Variants in LHFPL3 observed in about 807,000 individuals in gnomAD.
The protein encoded by LHFPL3 is LHFPL tetraspan subfamily member 3 protein.
Under a neutral mutation model 19.3 loss-of-function variants are expected in LHFPL3, and 5 were observed. That is an observed-to-expected ratio of 0.26 (90% CI 0.14 to 0.54). The LOEUF is 0.54. LHFPL3 is among the 20% of genes least tolerant of loss of function. The pLI is 0.94. For synonymous variants in LHFPL3, 133 were observed against 126.2 expected (o/e 1.05, Z -0.36); for missense variants, 249 against 307.4 (o/e 0.81, Z 1.42).
At chr7:104,617,425 T>A (rs1326187054) in intron 1 of LHFPL3, among the ~76,000 whole-genome samples, 2 of 152,228 alleles carry the variant, frequency 1.3e-5, no homozygotes, top group Admixed American at 6.5e-5. Context: ...GGTGTACTCT[T>A]TTGTATATTT....
intron 1 of LHFPL3, among the ~76,000 whole-genome samples, chr7:104,689,782 T>G (rs1792875209): frequency 6.6e-6 from 1 of 152,164 alleles, no homozygotes; most frequent in Non-Finnish European, 1.5e-5. Flanking sequence ...CAGTAGAGGC[T>G]TATGGAGGTC....
chr7:104,429,382 A>G (rs1562894642), intron 1 of LHFPL3, among the ~76,000 whole-genome samples: 1 of 135,114 alleles, frequency 7.4e-6, no homozygotes, highest in Non-Finnish European at 1.5e-5. Context: ...ATCTTGGCTC[A>G]CTGCAACCTC....
chr7:104,680,932 C>T (rs1792682809), intron 1 of LHFPL3, among the ~76,000 whole-genome samples: 1 of 152,122 alleles, frequency 6.6e-6, no homozygotes, highest in South Asian at 2.1e-4. Context: ...AACCGAGCTA[C>T]TGATTACAGA....
intron 1 of LHFPL3, among the ~76,000 whole-genome samples, chr7:104,608,471 G>A (rs1192635940): frequency 8.1e-6 from 1 of 123,782 alleles, no homozygotes; most frequent in Non-Finnish European, 1.6e-5. Context: ...ACAGGAAGGG[G>A]AACATCACAC....
chr7:104,518,842 G>A (rs41062), intron 1 of LHFPL3, among the ~76,000 whole-genome samples: 3,288 of 148,094 alleles, frequency 0.022, 133 homozygotes, highest in African/African-American at 0.08. Context: ...TAGATAGATA[G>A]ATAGAATAAA....
chr7:104,663,813 A>G (rs983080218), intron 1 of LHFPL3, among the ~76,000 whole-genome samples: 4 of 152,152 alleles, frequency 2.6e-5, no homozygotes, highest in Admixed American at 2.6e-4. Flanking sequence ...AATCCATGTA[A>G]ATGAGAGGTC....
At position 104,868,488 on chromosome 7, in the gene LHFPL3, A is replaced by G. The variant is rs531975252; in HGVS notation, c.683-37699A>G. Reference sequence around the variant, plus strand: ...CTCCCATTCACAATTGCTTCAAAAAAAATAAAATACCTAGGAATCCAACTT... The same window carrying G: ...CTCCCATTCACAATTGCTTCAAAAAGAATAAAATACCTAGGAATCCAACTT... On this transcript the variant is annotated intron_variant, in intron 2 of 2. Transcript: ENST00000424859. Among the ~76,000 whole-genome samples the G allele has an allele frequency of 5.0e-3, 757 of 152,200 alleles. 5 individuals carry two copies. Among genetic ancestry groups the G allele is most frequent in the African/African-American group, 0.017 (724 of 41,516 alleles).
At chr7:104,564,572 G>A (rs1430132097) in intron 1 of LHFPL3, among the ~76,000 whole-genome samples, 1 of 152,170 alleles carries the variant, frequency 6.6e-6, no homozygotes, top group Non-Finnish European at 1.5e-5. Context: ...GTTTTTACAT[G>A]AGAAAGAAAG....
intron 1 of LHFPL3, among the ~76,000 whole-genome samples, chr7:104,524,214 G>A (rs1014188072): frequency 1.2e-4 from 18 of 152,240 alleles, no homozygotes; most frequent in African/African-American, 3.1e-4. Context: ...AGGCCAAGAC[G>A]CAGGATTGAT....
At chr7:104,430,434 A>ATACATGTATATATATATATATATACACG in intron 1 of LHFPL3, among the ~76,000 whole-genome samples, 1 of 14,334 alleles carries the variant, frequency 7.0e-5, no homozygotes, top group Admixed American at 7.9e-4. Context: ...ATATATATAT[A>ATACATGTATATATATATATATATACACG]TATATATATA....
At chr7:104,577,452 A>C (rs1790359815) in intron 1 of LHFPL3, among the ~76,000 whole-genome samples, 1 of 152,142 alleles carries the variant, frequency 6.6e-6, no homozygotes, top group South Asian at 2.1e-4. Flanking sequence ...GTTAGTGTAA[A>C]TATATATACA....
intron 2 of LHFPL3, among the ~76,000 whole-genome samples, chr7:104,876,349 C>G (rs1237807078): frequency 6.6e-6 from 1 of 152,148 alleles, no homozygotes; most frequent in African/African-American, 2.4e-5. Context: ...AGGCAACCTA[C>G]AGAATGGGAG....
intron 1 of LHFPL3, among the ~76,000 whole-genome samples, chr7:104,616,503 A>G (rs1207777357): frequency 6.6e-6 from 1 of 152,198 alleles, no homozygotes; most frequent in African/African-American, 2.4e-5. Context: ...TGGATTAAAG[A>G]CTTAAATGTA....
At chr7:104,808,039 T>A (rs1790398189) in intron 2 of LHFPL3, among the ~76,000 whole-genome samples, 1 of 152,002 alleles carries the variant, frequency 6.6e-6, no homozygotes, top group Admixed American at 6.6e-5. Flanking sequence ...GAGGGAGAGG[T>A]GGCATGATAC....
intron 1 of LHFPL3, among the ~76,000 whole-genome samples, chr7:104,588,116 T>C (rs1790622840): frequency 6.6e-6 from 1 of 152,210 alleles, no homozygotes; most frequent in Admixed American, 6.5e-5. Flanking sequence ...AGCTCTTTAG[T>C]TTAATTAGAT....
At position 104,587,805 on chromosome 7, in the gene LHFPL3, C is replaced by T. The variant is rs200688669; in HGVS notation, c.446-148870C>T. On this transcript the variant is annotated intron_variant, in intron 1 of 2. Transcript: ENST00000424859. ...TGTTGTTTCCTGACTTTTTAATGAT[C>T]GCCATTCTAACTGGTGTGAGATGGT... 4.3e-3 allele frequency among the ~76,000 whole-genome samples: 659 copies of T among 151,966 alleles called. 34 individuals carry two copies. The East Asian group carries it at 0.099, about 23-fold the overall frequency.
rs149374890 is a variant in LHFPL3 at position 104,777,039 on chromosome 7, C to G, written c.682+40128C>G. 4.2e-3 allele frequency among the ~76,000 whole-genome samples: 647 copies of G among 152,254 alleles called. 3 individuals carry two copies. The highest frequency in any genetic ancestry group is 0.015 in the African/African-American group (629 of 41,548). The stretch of plus-strand genomic sequence containing the variant: ...CTGGAGGGCACAGTCCTATCTGGCT[C>G]TAAGTAAGTGTCATGACCTCTGGGA... On this transcript the variant is annotated intron_variant, in intron 2 of 2. Coordinates refer to ENST00000424859, the MANE Select transcript of LHFPL3 (RefSeq NM_199000.3).
Position 104,879,326 on chromosome 7 carries a change from G to T in LHFPL3, c.683-26861G>T, listed in dbSNP as rs926478146. Among the ~76,000 whole-genome samples the T allele has an allele frequency of 3.9e-5, 6 of 152,266 alleles. 1 individual carries two copies. The highest frequency in any genetic ancestry group is 1.4e-4 in the African/African-American group (6 of 41,550). ...AGCTCCTTGGGAGGCTAAGGTGGGA[G>T]GATTGCTTGAGCCTGGGAGGCAAGG... On this transcript the variant is annotated intron_variant, in intron 2 of 2. Transcript: ENST00000424859.
chr7:104,555,354 G>A (rs911505635), intron 1 of LHFPL3, among the ~76,000 whole-genome samples: 1 of 152,172 alleles, frequency 6.6e-6, no homozygotes, highest in East Asian at 1.9e-4. Context: ...AGACTGGGAA[G>A]AAAAAGAGTT....
Sources: gnomAD v4.1 joint callset for allele counts (sites outside exome capture counted in the v4.1 genomes callset) on GRCh38, gnomAD v4.1.1 for gene constraint, MANE v1.5 for transcripts, NCBI Gene and HGNC (gene_info 2026-07-23, HGNC 2026-07-21) for gene names.